ARHGAP19: variants seen among roughly 807,000 people sequenced by gnomAD.
The protein encoded by ARHGAP19 is Rho GTPase activating protein 19.
Under a neutral mutation model 60.9 loss-of-function variants are expected in ARHGAP19, and 48 were observed. That is an observed-to-expected ratio of 0.79 (90% CI 0.62 to 1.00). ARHGAP19 has a LOEUF of 1.00. Among genes scored for constraint, ARHGAP19 ranks in the 50% least tolerant of loss-of-function variants. The pLI is 0.00. For synonymous variants in ARHGAP19, 209 were observed against 215.5 expected (o/e 0.97, Z 0.27); for missense variants, 562 against 597.2 (o/e 0.94, Z 0.61).
At chr10:97,267,763 T>C (rs1842916758) in intron 1 of ARHGAP19, among the ~76,000 whole-genome samples, 1 of 152,250 alleles carries the variant, frequency 6.6e-6, no homozygotes, top group Non-Finnish European at 1.5e-5. Context: ...CTGTCCCCTT[T>C]TAGCCATAGC....
In ARHGAP19 at chr10:97,224,909, C is replaced by T. The variant is rs1850867589; in HGVS notation, c.*1213G>A. On this transcript the variant is annotated 3_prime_UTR_variant, in exon 12 of 12. Coordinates refer to ENST00000358531, the MANE Select transcript of ARHGAP19 (RefSeq NM_032900.6). ...CATCTCCAAATTACCACCTGTGTCC[C>T]TTCTGACAAAGAGAGGGCGGAACAG... is the stretch of plus-strand genomic sequence containing the variant. The T allele has an allele frequency of 6.6e-6, 1 of 152,446 alleles. No homozygotes were observed. The highest frequency in any genetic ancestry group is 1.5e-5 in the Non-Finnish European group (1 of 68,212). 9.4% of individuals were successfully genotyped at this position (152,446 alleles called of 1,614,324 possible).
chr10:97,283,127 G>C (rs965199519), intron 1 of ARHGAP19, among the ~76,000 whole-genome samples: 1 of 152,022 alleles, frequency 6.6e-6, no homozygotes, highest in Non-Finnish European at 1.5e-5. Context: ...ACAGGCGTGA[G>C]CCACCCGCCC....
intron 11 of ARHGAP19, among the ~76,000 whole-genome samples, chr10:97,228,011 G>C (rs1850930227): frequency 6.6e-6 from 1 of 152,142 alleles, no homozygotes. Flanking sequence ...ACTTATGCTT[G>C]GTTTTGATTC....
chr10:97,264,691 T>A (rs964301115), intron 3 of ARHGAP19, 135 bp downstream of exon 3: 19 of 598,166 alleles, frequency 3.2e-5, no homozygotes, highest in Non-Finnish European at 5.0e-5. Flanking sequence ...TTTAAAAACA[T>A]GCCACCCAAA....
chr10:97,265,814 A>G, intron 2 of ARHGAP19, 46 bp downstream of exon 2: 3 of 1,588,730 alleles, frequency 1.9e-6, no homozygotes, highest in Non-Finnish European at 2.6e-6. Context: ...AGAGAAGCCC[A>G]GGGAGCAGCT....
At position 97,224,137 on chromosome 10, in the gene ARHGAP19, GT is replaced by G. The variant is rs1219840896; in HGVS notation, c.*1984del. On this transcript the variant is annotated 3_prime_UTR_variant, in exon 12 of 12. Coordinates refer to ENST00000358531, the MANE Select transcript of ARHGAP19 (RefSeq NM_032900.6). ...CTAACACGATGACAGGAGCTATCAGGTCACCACTCTGCTCCCTCTACCTGAT... is the reference window on the plus strand; with the variant it reads ...CTAACACGATGACAGGAGCTATCAGGCACCACTCTGCTCCCTCTACCTGAT... 1.3e-5 allele frequency: 2 copies of G among 152,160 alleles called. No homozygotes were observed. Among genetic ancestry groups the G allele is most frequent in the Non-Finnish European group, 2.9e-5 (2 of 68,038 alleles). 9.4% of individuals were successfully genotyped at this position (152,160 alleles called of 1,614,324 possible).
At chr10:97,257,540 A>G (rs1048275622) in intron 5 of ARHGAP19, among the ~76,000 whole-genome samples, 2 of 152,088 alleles carry the variant, frequency 1.3e-5, no homozygotes, top group Non-Finnish European at 2.9e-5. Context: ...TCCTGTCCTC[A>G]AGCAGTCCTC....
At chr10:97,278,811 TA>T (rs57887786) in intron 1 of ARHGAP19, among the ~76,000 whole-genome samples, 133,039 of 148,874 alleles carry the variant, frequency 0.89, 59,920 homozygotes, top group Non-Finnish European at 0.97. Flanking sequence ...TCAAGGCAGT[TA>T]AAAAAAAAAA....
intron 5 of ARHGAP19, among the ~76,000 whole-genome samples, chr10:97,257,909 T>G (rs1050374094): frequency 6.6e-6 from 1 of 152,190 alleles, no homozygotes; most frequent in Non-Finnish European, 1.5e-5. Context: ...TTGTGGGGTA[T>G]GTAGTAAAGC....
chr10:97,265,949 T>G lies in ARHGAP19; in HGVS notation c.233A>C (p.Gln78Pro). Residue 78 changes from glutamine to proline, a missense_variant, in exon 2 of 12, where the codon CAG becomes CCG. By Grantham distance (76) the Gln-to-Pro change is moderately conservative. Transcript: ENST00000358531. ...CTTAAGGTCCACTTCCCCCATCAGCTGAGCCAACTCAGTTCCAGGTAAATC... is the reference window on the plus strand; with the variant it reads ...CTTAAGGTCCACTTCCCCCATCAGCGGAGCCAACTCAGTTCCAGGTAAATC... ...LIDLPGTELA[Q>P]LMGEVDLKLP... 6.2e-7 allele frequency: 1 copy of G among 1,614,156 alleles called. No homozygotes were observed. The highest frequency in any genetic ancestry group is 8.5e-7 in the Non-Finnish European group (1 of 1,180,032).
chr10:97,226,956 G>C (rs1850908041), intron 11 of ARHGAP19, among the ~76,000 whole-genome samples: 1 of 152,136 alleles, frequency 6.6e-6, no homozygotes, highest in South Asian at 2.1e-4. Context: ...CACCCACCAT[G>C]GGACATTTGG....
chr10:97,259,828 C>CTGTTTTGTTTTGTTTTGTTTTGTTT (rs113068001), intron 4 of ARHGAP19, among the ~76,000 whole-genome samples, 200 bp from the exon 5 acceptor site: 3 of 148,836 alleles, frequency 2.0e-5, no homozygotes, highest in South Asian at 2.1e-4. Context: ...ATTAAAAAAC[C>CTGTTTTGTTTTGTTTTGTTTTGTTT]TGTTTTGTTT....
At chr10:97,291,386 C>G (rs576480531) in intron 1 of ARHGAP19, among the ~76,000 whole-genome samples, 2 of 152,332 alleles carry the variant, frequency 1.3e-5, no homozygotes, top group African/African-American at 4.8e-5. Flanking sequence ...AATGGCGCAT[C>G]TGGGCTCACT....
intron 2 of ARHGAP19, chr10:97,265,396 G>C (rs1449547326): frequency 5.7e-6 from 1 of 176,154 alleles, no homozygotes; most frequent in Non-Finnish European, 1.2e-5. Flanking sequence ...GCTAGTGGGA[G>C]GCTGAAACAG....
intron 1 of ARHGAP19, among the ~76,000 whole-genome samples, chr10:97,291,259 C>T (rs1490030780): frequency 1.3e-5 from 2 of 152,110 alleles, no homozygotes; most frequent in Admixed American, 1.3e-4. Flanking sequence ...TGAAATCTTG[C>T]AACTGCAAAA....
chr10:97,287,874 C>T (rs1455841013), intron 1 of ARHGAP19, among the ~76,000 whole-genome samples: 1 of 152,006 alleles, frequency 6.6e-6, no homozygotes, highest in Non-Finnish European at 1.5e-5. Flanking sequence ...ACCAGCCTGA[C>T]CAACACGGAG....
At chr10:97,244,851 C>T (rs2065861) in intron 7 of ARHGAP19, among the ~76,000 whole-genome samples, 75,079 of 150,670 alleles carry the variant, frequency 0.5, 20,761 homozygotes, top group East Asian at 0.71. Flanking sequence ...ATTTTAAGCA[C>T]TCAAAAAGTG....
At chr10:97,277,789 CCA>C (rs1843038579) in intron 1 of ARHGAP19, 1 of 152,230 alleles carries the variant, frequency 6.6e-6, no homozygotes, top group Non-Finnish European at 1.5e-5. Context: ...CCAATCAATT[CCA>C]CAGTGACACA....
intron 1 of ARHGAP19, among the ~76,000 whole-genome samples, chr10:97,283,942 C>A (rs1435139114): frequency 1.6e-5 from 2 of 122,972 alleles, no homozygotes; most frequent in Non-Finnish European, 3.5e-5. Flanking sequence ...CTTTTTTTTT[C>A]TTTTTTTTAG....
Sources: allele counts gnomAD v4.1 joint callset (sites outside exome capture counted in the v4.1 genomes callset), GRCh38; gene constraint gnomAD v4.1.1; transcripts MANE v1.5; gene names NCBI Gene and HGNC (gene_info 2026-07-23, HGNC 2026-07-21).